Variants in THSD4 observed in about 807,000 individuals in gnomAD.
THSD4 encodes thrombospondin type 1 domain containing 4.
A neutral mutation model predicts 119.0 loss-of-function variants in THSD4; 69 were observed. That is an observed-to-expected ratio of 0.58 (90% CI 0.48 to 0.71). The LOEUF (loss-of-function observed/expected upper bound fraction) is 0.71, where lower values mean the gene tolerates loss of function less well. Among genes scored for constraint, THSD4 ranks in the 30% least tolerant of loss-of-function variants. The probability of loss-of-function intolerance (pLI) is 0.00; values close to 1 mark genes in which losing one functional copy is unlikely to be tolerated. For synonymous variants in THSD4, 524 were observed against 540.4 expected (o/e 0.97, Z 0.42); for missense variants, 1,393 against 1,391.1 (o/e 1.00, Z -0.02).
chr15:71,586,069 C>T (rs779671076), intron 7 of THSD4, among the ~76,000 whole-genome samples: 7 of 152,036 alleles, frequency 4.6e-5, no homozygotes, highest in Non-Finnish European at 1.0e-4. Flanking sequence ...GTTCATGGAC[C>T]TCCATTTCTT....
At chr15:71,375,523 G>A (rs928792855) in intron 6 of THSD4, among the ~76,000 whole-genome samples, 2 of 152,152 alleles carry the variant, frequency 1.3e-5, no homozygotes, top group African/African-American at 4.8e-5. Flanking sequence ...TGGGAGCAGG[G>A]ACTTTGCCTG....
At chr15:71,140,390 A>G (rs1828127758) in intron 1 of THSD4, among the ~76,000 whole-genome samples, 2 of 152,038 alleles carry the variant, frequency 1.3e-5, no homozygotes, top group South Asian at 4.2e-4. Context: ...GGCTCTTTTT[A>G]ACAATCAGAT....
At position 71,367,003 on chromosome 15, in the gene THSD4, C is replaced by T. The variant is rs563078796; in HGVS notation, c.1016-44684C>T. 8.9e-4 allele frequency among the ~76,000 whole-genome samples: 135 copies of T among 152,336 alleles called. 4 individuals carry two copies. In the South Asian group the frequency reaches 0.027, roughly 30 times the overall value. ...TCTTTCAAGCTCCATTTTCTCAAAACATATTCCATCTTCTGTGTGAACAAG... is the reference window on the plus strand; with the variant it reads ...TCTTTCAAGCTCCATTTTCTCAAAATATATTCCATCTTCTGTGTGAACAAG... On this transcript the variant is annotated intron_variant, in intron 6 of 17. Coordinates refer to ENST00000261862, the MANE Select transcript of THSD4 (RefSeq NM_024817.3).
intron 15 of THSD4, among the ~76,000 whole-genome samples, chr15:71,759,587 T>C (rs2053597847): frequency 6.6e-6 from 1 of 152,224 alleles, no homozygotes; most frequent in Admixed American, 6.5e-5. Flanking sequence ...GTAAAATACA[T>C]AGGACCTAAA....
At chr15:71,447,730 G>A (rs11632349) in intron 7 of THSD4, among the ~76,000 whole-genome samples, 43,393 of 152,126 alleles carry the variant, frequency 0.29, 6,359 homozygotes, top group Middle Eastern at 0.36. Flanking sequence ...CCCTAGAGTG[G>A]TTTAACCAAA....
intron 3 of THSD4, among the ~76,000 whole-genome samples, chr15:71,200,363 T>C (rs1377311301): frequency 1.3e-5 from 2 of 152,152 alleles, no homozygotes; most frequent in Non-Finnish European, 2.9e-5. Context: ...TGGCTCAGCG[T>C]GCTTTGTCTG....
intron 7 of THSD4, among the ~76,000 whole-genome samples, chr15:71,633,045 G>A (rs1377911544): frequency 6.6e-6 from 1 of 152,088 alleles, no homozygotes; most frequent in African/African-American, 2.4e-5. Flanking sequence ...AGGACATCAA[G>A]GTGAGGCAAG....
At chr15:71,357,825 G>T (rs1472533430) in intron 6 of THSD4, among the ~76,000 whole-genome samples, 3 of 152,172 alleles carry the variant, frequency 2.0e-5, no homozygotes, top group African/African-American at 4.8e-5. Flanking sequence ...ATATTATTTT[G>T]CAAAATAATC....
chr15:71,165,125 G>A (rs28544082), intron 3 of THSD4: 1 of 1,610,892 alleles, frequency 6.2e-7, no homozygotes, highest in Non-Finnish European at 8.5e-7. Context: ...GGCCGAAGGA[G>A]GCCTCTTGGG....
At chr15:71,371,031 T>C (rs1394599340) in intron 6 of THSD4, among the ~76,000 whole-genome samples, 1 of 152,242 alleles carries the variant, frequency 6.6e-6, no homozygotes, top group African/African-American at 2.4e-5. Flanking sequence ...TACCATTATG[T>C]AATGGCCTTC....
At chr15:71,376,463 CTGTT>C (rs2046137994) in intron 6 of THSD4, among the ~76,000 whole-genome samples, 1 of 152,210 alleles carries the variant, frequency 6.6e-6, no homozygotes. Flanking sequence ...TGCCCTGTCA[CTGTT>C]TGGCCAGACC....
At chr15:71,638,282 T>C (rs1308656346) in intron 7 of THSD4, among the ~76,000 whole-genome samples, 1 of 152,188 alleles carries the variant, frequency 6.6e-6, no homozygotes, top group Non-Finnish European at 1.5e-5. Context: ...CTCTGGGTTA[T>C]ATTTCCAGAA....
In THSD4 at chr15:71,215,204, G is replaced by C. The variant is rs999302233; in HGVS notation, c.269G>C (p.Gly90Ala). The part of the protein sequence containing the change: ...CLPRSYRLRG[G>A]QRPGAPARAF... Reference sequence around the variant, plus strand: ...CCCCGCTCCTACCGCCTGCGCGGCGGCCAGCGGCCTGGCGCCCCTGCGCGC... The same window carrying C: ...CCCCGCTCCTACCGCCTGCGCGGCGCCCAGCGGCCTGGCGCCCCTGCGCGC... The change falls in exon 4 of 18, where the codon GGC (glycine) becomes GCC (alanine). Residue 90 changes from glycine to alanine, a missense_variant. Coordinates refer to ENST00000261862, the MANE Select transcript of THSD4 (RefSeq NM_024817.3). The C allele has an allele frequency of 7.4e-7, 1 of 1,360,110 alleles. No individual in the cohort carries two copies. Among genetic ancestry groups the C allele is most frequent in the Non-Finnish European group, 9.4e-7 (1 of 1,061,326 alleles). The allele number at this position is 1,360,110 out of a possible 1,614,324, so 84.3% of individuals were successfully genotyped here. A position where few individuals can be genotyped will look rare whatever the true frequency, so the allele number is the denominator to read the frequency against.
At chr15:71,147,968 C>CAAAAAAA (rs57726176) in intron 2 of THSD4, among the ~76,000 whole-genome samples, 2 of 32,144 alleles carry the variant, frequency 6.2e-5, no homozygotes, top group Admixed American at 4.6e-4. Context: ...GACTCTGTCT[C>CAAAAAAA]AAAAAAAAAA....
intron 7 of THSD4, among the ~76,000 whole-genome samples, chr15:71,521,947 C>T (rs2048447453): frequency 6.6e-6 from 1 of 152,178 alleles, no homozygotes; most frequent in Admixed American, 6.5e-5. Flanking sequence ...AATACAGCCA[C>T]CTGTGTGGTG....
intron 8 of THSD4, among the ~76,000 whole-genome samples, chr15:71,661,366 A>G (rs1036556721): frequency 1.3e-5 from 2 of 151,748 alleles, no homozygotes; most frequent in Non-Finnish European, 2.9e-5. Context: ...TCTGATAAAA[A>G]CCACAAGCCA....
intron 1 of THSD4, among the ~76,000 whole-genome samples, chr15:71,119,286 G>A (rs150551366): frequency 6.6e-6 from 1 of 152,262 alleles, no homozygotes; most frequent in East Asian, 1.9e-4. Flanking sequence ...ATTCAGATCT[G>A]GTGAAAGAAA....
intron 4 of THSD4, among the ~76,000 whole-genome samples, chr15:71,234,844 A>T (rs1292663370): frequency 1.3e-5 from 2 of 152,128 alleles, no homozygotes; most frequent in African/African-American, 2.4e-5. Context: ...AGAAGGAATG[A>T]CTGAAGTGCA....
chr15:71,583,117 C>A (rs2140852373), intron 7 of THSD4, among the ~76,000 whole-genome samples: 1 of 152,190 alleles, frequency 6.6e-6, no homozygotes, highest in East Asian at 1.9e-4. Context: ...TTGGTCTGTT[C>A]AGATTTGCTA....
Sources: allele counts gnomAD v4.1 joint callset (sites outside exome capture counted in the v4.1 genomes callset), GRCh38; gene constraint gnomAD v4.1.1; transcripts MANE v1.5; gene names NCBI Gene and HGNC (gene_info 2026-07-23, HGNC 2026-07-21).